The following TMTC1 variants were observed in gnomAD, a reference collection of about 807,000 sequenced individuals.
TMTC1 encodes protein O-mannosyl-transferase TMTC1.
In TMTC1, 73 loss-of-function variants were observed where a neutral mutation model predicts 104.8. The observed-to-expected ratio is 0.70, with a 90% CI of 0.58 to 0.85. The LOEUF (loss-of-function observed/expected upper bound fraction) is 0.85, where lower values mean the gene tolerates loss of function less well. Ranked by LOEUF, TMTC1 falls within the 40% of genes least tolerant of loss-of-function variation. TMTC1 has a pLI of 0.00. For synonymous variants in TMTC1, 434 were observed against 428.7 expected (o/e 1.01, Z -0.15); for missense variants, 1,035 against 1,096.1 (o/e 0.94, Z 0.79).
At chr12:29,714,662 C>T (rs541339833) in intron 5 of TMTC1, among the ~76,000 whole-genome samples, 2 of 152,352 alleles carry the variant, frequency 1.3e-5, no homozygotes, top group African/African-American at 2.4e-5. Context: ...GGGTACCCCC[C>T]CTGGATTTGT....
At chr12:29,673,744 C>CTTTTTTTTTTTTTTTTTTTTTTTTTT (rs146463669) in intron 5 of TMTC1, among the ~76,000 whole-genome samples, 2 of 95,734 alleles carry the variant, frequency 2.1e-5, no homozygotes, top group Non-Finnish European at 3.8e-5. Flanking sequence ...AGAGGGACTT[C>CTTTTTTTTTTTTTTTTTTTTTTTTTT]TTTTTTTTTT....
chr12:29,705,074 G>A (rs947320952), intron 5 of TMTC1, among the ~76,000 whole-genome samples: 2 of 152,206 alleles, frequency 1.3e-5, no homozygotes, highest in Non-Finnish European at 2.9e-5. Context: ...CCTCACCCCA[G>A]AAGAATGAGC....
intron 1 of TMTC1, among the ~76,000 whole-genome samples, chr12:29,780,742 T>G (rs1031513528): frequency 6.6e-6 from 1 of 152,192 alleles, no homozygotes; most frequent in African/African-American, 2.4e-5. Context: ...GGTTGTAATA[T>G]TATACCATAA....
upstream of TMTC1, chr12:29,784,298 C>T (rs1943908457): frequency 6.6e-6 from 1 of 152,274 alleles, no homozygotes; most frequent in African/African-American, 2.4e-5. Context: ...TCTGGAACCC[C>T]CACACCCACC....
At chr12:29,668,217 G>A (rs1013237766) in intron 5 of TMTC1, among the ~76,000 whole-genome samples, 10 of 152,166 alleles carry the variant, frequency 6.6e-5, no homozygotes, top group Admixed American at 1.3e-4. Context: ...CTGGAGGCTG[G>A]AGAGTGCAAG....
chr12:29,545,458 G>T (rs1035803307), intron 10 of TMTC1, among the ~76,000 whole-genome samples: 2 of 152,020 alleles, frequency 1.3e-5, no homozygotes, highest in Admixed American at 6.6e-5. Flanking sequence ...TGGCTAACAT[G>T]GTGAAACCCT....
rs570061059 is a variant in TMTC1, at chr12:29,710,795, CAT to C, written c.938+40869_938+40870del. On this transcript the variant is annotated intron_variant, in intron 5 of 17. Coordinates refer to ENST00000539277, the MANE Select transcript of TMTC1 (RefSeq NM_001193451.2). ...TATATTAATAATAAATATATTAATACATAATGTATTTATATATAATATAATGT... is the reference window on the plus strand; with the variant it reads ...TATATTAATAATAAATATATTAATACAATGTATTTATATATAATATAATGT... 8.2e-3 allele frequency among the ~76,000 whole-genome samples: 753 copies of C among 92,208 alleles called. 7 individuals are homozygous for C. Among genetic ancestry groups the C allele is most frequent in the African/African-American group, 0.027 (707 of 26,112 alleles). The allele number at this position is 92,208 out of a possible 152,430, so 60.5% of individuals were successfully genotyped here. A position where few individuals can be genotyped will look rare whatever the true frequency, so the allele number is the denominator to read the frequency against.
At chr12:29,565,549 T>C (rs768803348) in intron 9 of TMTC1, among the ~76,000 whole-genome samples, 1 of 152,134 alleles carries the variant, frequency 6.6e-6, no homozygotes, top group Non-Finnish European at 1.5e-5. Flanking sequence ...TCACATACTT[T>C]AAAAACACAG....
chr12:29,501,483 CTCTTCAGT>C lies in TMTC1; in HGVS notation c.*5355_*5362del, dbSNP rs1943590845. Reference sequence around the variant, plus strand: ...GGCTAACTTGCCCCAGGTAAGGTGGCTCTTCAGTGGCAGAGCTAGAACTAGAACTAGAA... The same window carrying C: ...GGCTAACTTGCCCCAGGTAAGGTGGCGGCAGAGCTAGAACTAGAACTAGAA... On this transcript the variant is annotated 3_prime_UTR_variant, in exon 18 of 18. Transcript: ENST00000539277. 1 of 152,112 alleles carries C rather than the reference CTCTTCAGT, an allele frequency of 6.6e-6. No individual in the cohort carries two copies. Among genetic ancestry groups the C allele is most frequent in the Admixed American group, 6.6e-5 (1 of 15,260 alleles). The allele number at this position is 152,112 out of a possible 1,614,324, so 9.4% of individuals were successfully genotyped here.
At chr12:29,706,137 T>G (rs1021706138) in intron 5 of TMTC1, among the ~76,000 whole-genome samples, 4 of 152,122 alleles carry the variant, frequency 2.6e-5, no homozygotes, top group African/African-American at 9.7e-5. Flanking sequence ...GCACGGAATT[T>G]TACCATGCTG....
At chr12:29,536,748 G>A (rs1396977388) in intron 10 of TMTC1, among the ~76,000 whole-genome samples, 2 of 149,928 alleles carry the variant, frequency 1.3e-5, no homozygotes, top group Non-Finnish European at 3.0e-5. Flanking sequence ...GAGCTCCTAG[G>A]GTGGCTGTAC....
intron 5 of TMTC1, among the ~76,000 whole-genome samples, chr12:29,675,790 A>G (rs1238477204): frequency 1.3e-5 from 2 of 152,178 alleles, no homozygotes; most frequent in African/African-American, 4.8e-5. Flanking sequence ...AAATCTTTTC[A>G]TCTAACTTGG....
At chr12:29,605,760 A>G (rs1432409220) in intron 6 of TMTC1, among the ~76,000 whole-genome samples, 1 of 152,030 alleles carries the variant, frequency 6.6e-6, no homozygotes, top group Non-Finnish European at 1.5e-5. Flanking sequence ...GTTTACTACA[A>G]GGGTATATTG....
intron 6 of TMTC1, among the ~76,000 whole-genome samples, chr12:29,613,523 C>G (rs189561278): frequency 6.6e-6 from 1 of 152,240 alleles, no homozygotes; most frequent in Admixed American, 6.5e-5. Flanking sequence ...CCACAGAATC[C>G]TAGGTCAAGA....
At chr12:29,624,983 T>C (rs1937901001) in intron 6 of TMTC1, among the ~76,000 whole-genome samples, 1 of 152,182 alleles carries the variant, frequency 6.6e-6, no homozygotes, top group South Asian at 2.1e-4. Context: ...CTGCATACGC[T>C]TGTTTATTCA....
intron 5 of TMTC1, among the ~76,000 whole-genome samples, chr12:29,710,779 A>G (rs1371658704): frequency 7.8e-6 from 1 of 127,708 alleles, no homozygotes; most frequent in Non-Finnish European, 1.6e-5. Flanking sequence ...TTATATTAAT[A>G]ATAAATATAT....
chr12:29,664,735 A>G (rs1940208302), intron 5 of TMTC1, among the ~76,000 whole-genome samples: 1 of 152,238 alleles, frequency 6.6e-6, no homozygotes, highest in African/African-American at 2.4e-5. Context: ...ATAATACTTA[A>G]CTATGACATC....
chr12:29,592,716 C>A (rs60442933), intron 7 of TMTC1, among the ~76,000 whole-genome samples: 7,141 of 152,198 alleles, frequency 0.047, 569 homozygotes, highest in African/African-American at 0.16. Context: ...TATTTAAGTT[C>A]TCTAGTTCTT....
At chr12:29,680,421 G>C (rs919954971) in intron 5 of TMTC1, among the ~76,000 whole-genome samples, 2 of 152,108 alleles carry the variant, frequency 1.3e-5, no homozygotes, top group Non-Finnish European at 2.9e-5. Context: ...ATAAGATGAG[G>C]CTGGGTGTGG....
Sources: gnomAD v4.1 joint callset for allele counts (sites outside exome capture counted in the v4.1 genomes callset) on GRCh38, gnomAD v4.1.1 for gene constraint, MANE v1.5 for transcripts, NCBI Gene and HGNC (gene_info 2026-07-23, HGNC 2026-07-21) for gene names.